The following COL5A1 variants were observed in gnomAD, a reference collection of about 807,000 sequenced individuals.
The protein encoded by COL5A1 is collagen type V alpha 1 chain.
In COL5A1, 16 loss-of-function variants were observed where a neutral mutation model predicts 263.7. That is an observed-to-expected ratio of 0.06 (90% confidence interval 0.04 to 0.09). The LOEUF (loss-of-function observed/expected upper bound fraction) is 0.09. Ranked by LOEUF, COL5A1 falls within the 10% of genes least tolerant of loss-of-function variation. The probability of loss-of-function intolerance (pLI) is 1.00; values close to 1 mark genes in which losing one functional copy is unlikely to be tolerated. For missense variants in COL5A1, 2,036 were observed against 2,540.5 expected (o/e 0.80, Z 4.27); for synonymous variants, 1,012 against 1,004.5 (o/e 1.01, Z -0.14).
chr9:134,775,181 C>G (rs1164497432), intron 27 of COL5A1, among the ~76,000 whole-genome samples: 1 of 152,228 alleles, frequency 6.6e-6, no homozygotes, highest in Admixed American at 6.5e-5. Context: ...GGCGCGCTGG[C>G]GGCCATCTGT....
Position 134,817,782 on chromosome 9 carries a change from C to G in COL5A1, c.4181C>G (p.Pro1394Arg). 1 of 1,612,332 alleles carries G rather than the reference C, an allele frequency of 6.2e-7. No homozygotes were observed. The highest frequency in any genetic ancestry group is 8.5e-7 in the Non-Finnish European group (1 of 1,179,260). Reference protein sequence around the residue: ...GPSGPPGKRGPPGPAGPEGRQ... With the variant: ...GPSGPPGKRGRPGPAGPEGRQ... ...CTGTTCTCTTGCTTCTTTCAGGGTC[C>G]CCCAGGCCCCGCAGGCCCCGAAGGC... is the stretch of plus-strand genomic sequence containing the variant. Residue 1394 changes from proline to arginine, a missense_variant, in exon 54 of 66, where the codon CCC becomes CGC. Physicochemically the swap from Pro to Arg is moderately radical, Grantham distance 103. This residue lies in a region of COL5A1 where 1,078 missense variants were observed against 1,521.4 expected (regional missense o/e 0.71). Transcript: ENST00000371817.
chr9:134,648,958 G>A (rs1392235727), intron 1 of COL5A1, among the ~76,000 whole-genome samples: 1 of 152,172 alleles, frequency 6.6e-6, no homozygotes, highest in Non-Finnish European at 1.5e-5. Flanking sequence ...AGGAACGGAG[G>A]TCCAGGAGGT....
intron 11 of COL5A1, among the ~76,000 whole-genome samples, chr9:134,739,949 T>C (rs1266250984): frequency 1.3e-5 from 2 of 152,152 alleles, no homozygotes; most frequent in Non-Finnish European, 2.9e-5. Flanking sequence ...AGGAGGTTGT[T>C]ATCGTTCTGT....
chr9:134,820,604 C>T (rs1023741799), intron 58 of COL5A1, among the ~76,000 whole-genome samples: 4 of 152,190 alleles, frequency 2.6e-5, no homozygotes, highest in Admixed American at 1.3e-4. Context: ...GCCAGAGCTG[C>T]GGGCAGAGTG....
At chr9:134,779,985 G>T in intron 27 of COL5A1, 117 bp from the exon 28 acceptor site, 1 of 1,130,462 alleles carries the variant, frequency 8.8e-7, no homozygotes, top group Non-Finnish European at 1.3e-6. Flanking sequence ...TGAGGGCAGG[G>T]CGCTGGCCTC....
At chr9:134,689,028 G>A (rs1378396996) in intron 1 of COL5A1, among the ~76,000 whole-genome samples, 11 of 152,144 alleles carry the variant, frequency 7.2e-5, no homozygotes, top group Non-Finnish European at 7.3e-5. Context: ...TGTGGCCTGC[G>A]CACCAAGCAC....
intron 27 of COL5A1, among the ~76,000 whole-genome samples, chr9:134,776,421 T>C (rs1409246510): frequency 6.6e-6 from 1 of 152,240 alleles, no homozygotes; most frequent in Non-Finnish European, 1.5e-5. Context: ...CCTATCTGAT[T>C]AAAATTCATT....
At chr9:134,719,570 G>A (rs567394651) in intron 4 of COL5A1, among the ~76,000 whole-genome samples, 1 of 152,366 alleles carries the variant, frequency 6.6e-6, no homozygotes, top group African/African-American at 2.4e-5. Context: ...CCCTGCAGGA[G>A]GGCTGGAAAA....
Position 134,765,705 on chromosome 9 carries a change from A to G in COL5A1, c.2059A>G (p.Lys687Glu). ...EPGPRGLLGP[K>E]GPPGPPGPPG... ...GGGGCCACGTGGTCTGCTTGGGCCG[A>G]AGGGGCCCCCAGGTCCTCCCGGACC... The change falls in exon 21 of 66, where the codon AAG becomes GAG. Residue 687 changes from lysine (K) to glutamate (E), a missense_variant. By Grantham distance (56) the Lys-to-Glu change is moderately conservative (BLOSUM62 1). This residue lies in a region of COL5A1 where 1,078 missense variants were observed against 1,521.4 expected (regional missense o/e 0.71). Transcript: ENST00000371817. The surrounding 1 kb of genome is among the most constrained non-coding windows in gnomAD (Gnocchi z 5.1). 6.2e-7 allele frequency: 1 copy of G among 1,613,652 alleles called. No homozygotes were observed. The highest frequency in any genetic ancestry group is 8.5e-7 in the Non-Finnish European group (1 of 1,179,718).
intron 44 of COL5A1, among the ~76,000 whole-genome samples, chr9:134,810,756 G>A (rs1009603770): frequency 2.0e-5 from 3 of 152,148 alleles, no homozygotes; most frequent in East Asian, 1.9e-4. Context: ...GCTCCCTCCC[G>A]ATGAGTGACA....
At chr9:134,759,828 A>AC (rs150984026) in intron 18 of COL5A1, among the ~76,000 whole-genome samples, 3,203 of 48,134 alleles carry the variant, frequency 0.067, 296 homozygotes, top group African/African-American at 0.11. Context: ...ACACACCCAC[A>AC]CCCCCCCACT....
intron 28 of COL5A1, among the ~76,000 whole-genome samples, chr9:134,782,253 T>C (rs1042719277): frequency 3.9e-5 from 6 of 152,216 alleles, no homozygotes; most frequent in Admixed American, 2.6e-4. Context: ...AGGGATTCTT[T>C]GCAGGGGCAT....
chr9:134,802,542 G>A (rs1287999266), intron 38 of COL5A1, among the ~76,000 whole-genome samples: 1 of 152,242 alleles, frequency 6.6e-6, no homozygotes, highest in African/African-American at 2.4e-5. Context: ...TGTGGGCTCT[G>A]CCCCTGGTGT....
intron 58 of COL5A1, 91 bp downstream of exon 58, chr9:134,820,314 G>C: frequency 2.0e-6 from 2 of 1,004,026 alleles, no homozygotes; most frequent in Non-Finnish European, 3.1e-6. Context: ...GCCCATCAGA[G>C]CCCGGAAGGA....
At chr9:134,771,737 G>A (rs890802620) in intron 25 of COL5A1, among the ~76,000 whole-genome samples, 4 of 152,180 alleles carry the variant, frequency 2.6e-5, no homozygotes, top group Non-Finnish European at 5.9e-5. Flanking sequence ...GGAAGCGGGA[G>A]GCCCAGAGAG....
At chr9:134,806,446 G>T in intron 42 of COL5A1, 150 bp downstream of exon 42, 3 of 627,732 alleles carry the variant, frequency 4.8e-6, no homozygotes, top group Non-Finnish European at 8.5e-6. Context: ...AGGACAGAGC[G>T]TGTGTCCCAT....
chr9:134,827,881 A>C (rs1235908214), intron 63 of COL5A1, among the ~76,000 whole-genome samples: 1 of 152,220 alleles, frequency 6.6e-6, no homozygotes, highest in Non-Finnish European at 1.5e-5. Flanking sequence ...TGGCATTGAC[A>C]GTGGCAGATT....
intron 65 of COL5A1, among the ~76,000 whole-genome samples, chr9:134,836,699 G>A (rs1839865802): frequency 2.0e-5 from 3 of 152,214 alleles, no homozygotes; most frequent in Admixed American, 1.3e-4. Flanking sequence ...GCCCAGCATC[G>A]CTGCGGAGCA....
rs558452488 is a variant in COL5A1 at position 134,738,568 on chromosome 9, G to A, written c.1431+53G>A. On this transcript the variant is annotated intron_variant, in intron 10 of 65. Transcript: ENST00000371817. ...TGCAGAAGGTGCTCTTGGTGGGGTGGGGTTGGTGACACCCCTTATGTCTCC... is the reference window on the plus strand; with the variant it reads ...TGCAGAAGGTGCTCTTGGTGGGGTGAGGTTGGTGACACCCCTTATGTCTCC... The A allele has an allele frequency of 8.1e-6, 13 of 1,604,560 alleles. No individual in the cohort carries two copies. The South Asian group carries it at 8.8e-5, about 11-fold the overall frequency.
Sources: gnomAD v4.1 joint callset for allele counts (sites outside exome capture counted in the v4.1 genomes callset) on GRCh38, gnomAD v4.1.1 for gene constraint, gnomAD v4.1.1 regional missense constraint, Gnocchi (gnomAD v3.1) non-coding constraint, MANE v1.5 for transcripts, NCBI Gene and HGNC (gene_info 2026-07-23, HGNC 2026-07-21) for gene names.